PCDH9: variants seen among roughly 807,000 people sequenced by gnomAD.
PCDH9 encodes protocadherin 9, also known as protocadherin-9.
In PCDH9, 24 loss-of-function variants were observed where a neutral mutation model predicts 70.6. That is an observed-to-expected ratio of 0.34 (90% confidence interval 0.25 to 0.48). The LOEUF is 0.48. PCDH9 is among the 20% of genes least tolerant of loss of function. The pLI is 0.99. For synonymous variants in PCDH9, 562 were observed against 558.5 expected (o/e 1.01, Z -0.09); for missense variants, 1,281 against 1,503.6 (o/e 0.85, Z 2.45).
chr13:67,168,009 T>G (rs1430286003), intron 2 of PCDH9, among the ~76,000 whole-genome samples: 1 of 152,136 alleles, frequency 6.6e-6, no homozygotes, highest in Non-Finnish European at 1.5e-5. Context: ...ACAAACGATT[T>G]GTTTCACAGT....
chr13:66,778,841 G>T (rs551800523), intron 3 of PCDH9, among the ~76,000 whole-genome samples: 1 of 152,234 alleles, frequency 6.6e-6, no homozygotes, highest in East Asian at 1.9e-4. Context: ...ATAATGTGAT[G>T]AGCAGCCCCA....
At chr13:67,136,172 C>T (rs2087227495) in intron 2 of PCDH9, among the ~76,000 whole-genome samples, 1 of 152,108 alleles carries the variant, frequency 6.6e-6, no homozygotes, top group South Asian at 2.1e-4. Context: ...CAAGTACCTA[C>T]CATTGCGTTA....
At chr13:67,117,052 A>G (rs2086791706) in intron 2 of PCDH9, among the ~76,000 whole-genome samples, 1 of 152,188 alleles carries the variant, frequency 6.6e-6, no homozygotes, top group Non-Finnish European at 1.5e-5. Flanking sequence ...TATTCTTAGA[A>G]TAGATCCAAT....
At chr13:66,730,174 T>C (rs1401706523) in intron 3 of PCDH9, among the ~76,000 whole-genome samples, 1 of 152,202 alleles carries the variant, frequency 6.6e-6, no homozygotes, top group Admixed American at 6.5e-5. Context: ...TATATATGCA[T>C]TCATTTTTTT....
At chr13:66,513,592 T>A (rs1255620183) in intron 4 of PCDH9, among the ~76,000 whole-genome samples, 1 of 151,994 alleles carries the variant, frequency 6.6e-6, no homozygotes, top group Non-Finnish European at 1.5e-5. Context: ...CTTCCACAGG[T>A]TGGGGTCATC....
intron 4 of PCDH9, among the ~76,000 whole-genome samples, chr13:66,551,807 TA>T (rs1482202203): frequency 6.6e-6 from 1 of 152,166 alleles, no homozygotes; most frequent in East Asian, 1.9e-4. Context: ...TCAAAAGAAA[TA>T]AAAGCACATA....
chr13:67,060,572 C>T (rs2085519990), intron 2 of PCDH9, among the ~76,000 whole-genome samples: 2 of 151,954 alleles, frequency 1.3e-5, no homozygotes, highest in African/African-American at 4.8e-5. Context: ...TATTAATCCC[C>T]TCATTTCCAT....
At chr13:67,022,536 T>C (rs7995526) in intron 2 of PCDH9, among the ~76,000 whole-genome samples, 16,358 of 152,274 alleles carry the variant, frequency 0.11, 964 homozygotes, top group Middle Eastern at 0.16. Flanking sequence ...ATTTTGCTAC[T>C]TTTCCTTTTA....
At chr13:66,776,778 A>G (rs1335953399) in intron 3 of PCDH9, among the ~76,000 whole-genome samples, 5 of 149,524 alleles carry the variant, frequency 3.3e-5, no homozygotes, top group Admixed American at 6.7e-5. Flanking sequence ...GGAAAAAACT[A>G]CTTTAAAGTT....
intron 2 of PCDH9, among the ~76,000 whole-genome samples, chr13:67,151,059 C>A (rs1329911081): frequency 6.6e-6 from 1 of 152,124 alleles, no homozygotes; most frequent in Non-Finnish European, 1.5e-5. Context: ...GTTCCCTCTG[C>A]CCTCACTTAT....
intron 2 of PCDH9, among the ~76,000 whole-genome samples, chr13:67,174,293 T>TGATA (rs748357252): frequency 0.039 from 5,857 of 148,836 alleles, 241 homozygotes; most frequent in Admixed American, 0.13. Flanking sequence ...GATAGACAGA[T>TGATA]GATAGATAGA....
chr13:66,450,890 C>G (rs1345636656), intron 4 of PCDH9, among the ~76,000 whole-genome samples: 3 of 151,962 alleles, frequency 2.0e-5, no homozygotes, highest in Non-Finnish European at 1.5e-5. Context: ...TGGTGGCGGC[C>G]CCTGTAGTCC....
At chr13:66,795,456 C>A (rs974835252) in intron 3 of PCDH9, among the ~76,000 whole-genome samples, 1 of 152,036 alleles carries the variant, frequency 6.6e-6, no homozygotes, top group Non-Finnish European at 1.5e-5. Context: ...TTATAAATAG[C>A]TTTAATTAAT....
chr13:66,835,635 A>G (rs1227810517), intron 3 of PCDH9, among the ~76,000 whole-genome samples: 1 of 152,120 alleles, frequency 6.6e-6, no homozygotes, highest in Admixed American at 6.5e-5. Flanking sequence ...GTGCTACAAA[A>G]CCTGTCCTCC....
chr13:66,866,685 T>C (rs536227462), intron 3 of PCDH9, among the ~76,000 whole-genome samples: 246 of 152,034 alleles, frequency 1.6e-3, no homozygotes, highest in Middle Eastern at 3.4e-3. Context: ...TAGTCCCAGC[T>C]ACTCAGGAAG....
chr13:66,477,305 A>G (rs78966361), intron 4 of PCDH9, among the ~76,000 whole-genome samples: 18,962 of 152,212 alleles, frequency 0.12, 1,374 homozygotes, highest in Middle Eastern at 0.21. Flanking sequence ...ATAAAACTGA[A>G]TAATAATATC....
At chr13:66,996,817 T>C (rs1311132234) in intron 2 of PCDH9, among the ~76,000 whole-genome samples, 1 of 152,184 alleles carries the variant, frequency 6.6e-6, no homozygotes, top group Non-Finnish European at 1.5e-5. Context: ...ACAAGTTAGG[T>C]GGAGACCTTA....
intron 2 of PCDH9, among the ~76,000 whole-genome samples, chr13:67,166,263 GAT>G (rs1319388340): frequency 2.0e-5 from 3 of 152,076 alleles, no homozygotes; most frequent in Non-Finnish European, 4.4e-5. Flanking sequence ...TTTTCAATTA[GAT>G]ATGGATAAGT....
At chr13:66,912,527 A>T (rs2082485502) in intron 2 of PCDH9, among the ~76,000 whole-genome samples, 1 of 151,900 alleles carries the variant, frequency 6.6e-6, no homozygotes, top group African/African-American at 2.4e-5. Context: ...ACACACACAC[A>T]CACACACATA....
Sources: allele counts gnomAD v4.1 joint callset (sites outside exome capture counted in the v4.1 genomes callset), GRCh38; gene constraint gnomAD v4.1.1; transcripts MANE v1.5; gene names NCBI Gene and HGNC (gene_info 2026-07-23, HGNC 2026-07-21).